The following GRIK4 variants were observed in gnomAD, a reference collection of about 807,000 sequenced individuals.
GRIK4 encodes the protein glutamate receptor ionotropic, kainate 4.
In GRIK4, 40 loss-of-function variants were observed where a neutral mutation model predicts 104.9. The ratio of observed to expected loss-of-function variants is 0.38; its 90% confidence interval spans 0.30 to 0.50. The LOEUF (loss-of-function observed/expected upper bound fraction) is 0.50, where lower values mean the gene tolerates loss of function less well. Among genes scored for constraint, GRIK4 ranks in the 20% least tolerant of loss-of-function variants. The pLI, the probability that GRIK4 is intolerant of heterozygous loss-of-function variation, is 0.93. For synonymous variants in GRIK4, 485 were observed against 524.9 expected, an observed-to-expected ratio of 0.92 and a Z score of 1.04; for missense variants, 1,047 against 1,308.1, an observed-to-expected ratio of 0.80 and a Z score of 3.08.
Position 120,802,686 on chromosome 11 carries a change from C to T in GRIK4, c.83-7C>T, listed in dbSNP as rs1352319449. ...CCAATTGTCTCCATGTGGTTGCCTG[C>T]CCACAGCTGCTATCTTGGACGACCC... is the stretch of plus-strand genomic sequence containing the variant. On this transcript the variant is annotated splice_region_variant and splice_polypyrimidine_tract_variant and intron_variant, in intron 3 of 20. Coordinates refer to ENST00000527524, the MANE Select transcript of GRIK4 (RefSeq NM_014619.5). The T allele has an allele frequency of 3.1e-6, 5 of 1,612,376 alleles. No individual in the cohort carries two copies. Among genetic ancestry groups the T allele is most frequent in the Admixed American group, 3.3e-5 (2 of 59,996 alleles).
Position 120,828,062 on chromosome 11 carries a change from A to G in GRIK4, c.512-3790A>G, listed in dbSNP as rs184655758. On this transcript the variant is annotated intron_variant, in intron 6 of 20. Transcript: ENST00000527524. ...ACCCAAGTCAGCTGCTCCTCAAGTG[A>G]CATGGCGACGGTTCCTGCCTGGCAC... is the stretch of plus-strand genomic sequence containing the variant. 6.0e-4 allele frequency among the ~76,000 whole-genome samples: 92 copies of G among 152,128 alleles called. 1 individual carries two copies. Among genetic ancestry groups the G allele is most frequent in the African/African-American group, 2.2e-3 (92 of 41,510 alleles).
intron 1 of GRIK4, among the ~76,000 whole-genome samples, chr11:120,643,121 G>T (rs1305653472): frequency 6.6e-6 from 1 of 152,140 alleles, no homozygotes; most frequent in Non-Finnish European, 1.5e-5. Context: ...CAAAATCCCT[G>T]CTCTCTAGGA....
At position 120,903,724 on chromosome 11, in the gene GRIK4, G is replaced by A. The variant is rs1276005497; in HGVS notation, c.1273-1566G>A. Reference sequence around the variant, plus strand: ...GTTTGCGGTGGGGAAGGAGCTTGGAGGAGAGGCGATCTGCCCTCTCTGTGC... The same window carrying A: ...GTTTGCGGTGGGGAAGGAGCTTGGAAGAGAGGCGATCTGCCCTCTCTGTGC... On this transcript the variant is annotated intron_variant, in intron 12 of 20. Transcript: ENST00000527524. This position sits in a 1 kb window ranked among gnomAD's most constrained non-coding sequence, Gnocchi z 4.4. Among the ~76,000 whole-genome samples the A allele has an allele frequency of 6.6e-6, 1 of 152,112 alleles. No individual in the cohort carries two copies. The highest frequency in any genetic ancestry group is 1.5e-5 in the Non-Finnish European group (1 of 68,016).
intron 1 of GRIK4, among the ~76,000 whole-genome samples, chr11:120,521,988 A>G (rs1016772262): frequency 6.6e-6 from 1 of 152,210 alleles, no homozygotes; most frequent in African/African-American, 2.4e-5. Flanking sequence ...GTATGTATTA[A>G]GTTGATTCTC....
chr11:120,783,944 C>T (rs191616587), intron 3 of GRIK4, among the ~76,000 whole-genome samples: 115 of 152,220 alleles, frequency 7.6e-4, no homozygotes, highest in Admixed American at 2.6e-3. Flanking sequence ...CTTCGGCAGA[C>T]GACTAAGGAG....
chr11:120,698,055 GT>G (rs1242501545), intron 3 of GRIK4, among the ~76,000 whole-genome samples: 1 of 152,080 alleles, frequency 6.6e-6, no homozygotes, highest in Non-Finnish European at 1.5e-5. Flanking sequence ...GCCAAGAGGT[GT>G]CCCCCCTGGC....
At chr11:120,567,349 G>A (rs1388004651) in intron 1 of GRIK4, among the ~76,000 whole-genome samples, 1 of 151,498 alleles carries the variant, frequency 6.6e-6, no homozygotes, top group African/African-American at 2.4e-5. Flanking sequence ...GGTAGAAATG[G>A]GATCTCTCTG....
chr11:120,852,946 G>A (rs80151257), intron 8 of GRIK4, among the ~76,000 whole-genome samples: 2,249 of 152,314 alleles, frequency 0.015, 55 homozygotes, highest in African/African-American at 0.05. Context: ...TGCCAATGGG[G>A]TGAGATGAGG....
intron 3 of GRIK4, among the ~76,000 whole-genome samples, chr11:120,738,367 T>G (rs952056675): frequency 3.3e-5 from 5 of 152,168 alleles, no homozygotes; most frequent in Non-Finnish European, 7.4e-5. Flanking sequence ...GAGGCAATAG[T>G]TTCAAGGGAA....
At chr11:120,947,757 C>A (rs529316479) in intron 14 of GRIK4, among the ~76,000 whole-genome samples, 2 of 152,190 alleles carry the variant, frequency 1.3e-5, no homozygotes, top group African/African-American at 4.8e-5. Context: ...CACGGCCCCT[C>A]TTCATGTGGA....
Position 120,815,465 on chromosome 11 carries a change from G to T in GRIK4, c.335G>T (p.Gly112Val). ...ASSSIISNIC[G>V]EKEVPHFKVA... ...AGCTCCATCATCAGCAACATCTGTG[G>T]AGAGAAGGAGGTGAGTGTGAGGCAG... Residue 112 changes from glycine to valine, a missense_variant, in exon 5 of 21, where the codon GGA becomes GTA. Physicochemically the swap from Gly to Val is moderately radical, Grantham distance 109 (BLOSUM62 -3). Around this residue, in one of 3 missense-constraint regions of GRIK4, gnomAD observed 447 missense variants for 514.9 expected, o/e 0.87. Coordinates refer to ENST00000527524, the MANE Select transcript of GRIK4 (RefSeq NM_014619.5). The T allele has an allele frequency of 6.5e-7, 1 of 1,542,638 alleles. No homozygotes were observed. Among genetic ancestry groups the T allele is most frequent in the Non-Finnish European group, 8.8e-7 (1 of 1,140,046 alleles).
chr11:120,904,391 C>T (rs1309720377), intron 12 of GRIK4, among the ~76,000 whole-genome samples: 2 of 152,208 alleles, frequency 1.3e-5, no homozygotes, highest in East Asian at 1.9e-4. Context: ...CAGACCTGTT[C>T]CTTTCTGTGC....
intron 1 of GRIK4, among the ~76,000 whole-genome samples, chr11:120,558,838 G>A (rs1292222948): frequency 6.6e-6 from 1 of 152,172 alleles, no homozygotes; most frequent in Non-Finnish European, 1.5e-5. Context: ...CATGGTATGG[G>A]TTGCATAGAT....
chr11:120,898,568 G>A lies in GRIK4; in HGVS notation c.1201G>A (p.Asp401Asn). The A allele has an allele frequency of 6.2e-7, 1 of 1,612,626 alleles. No homozygotes were observed. The highest frequency in any genetic ancestry group is 1.1e-5 in the South Asian group (1 of 91,040). Reference sequence around the variant, plus strand: ...GCACGTGGCAGAGGGCCTCAGCATGGACAGCCACCTCTATGCCTCCAACAT... The same window carrying A: ...GCACGTGGCAGAGGGCCTCAGCATGAACAGCCACCTCTATGCCTCCAACAT... ...QWHVAEGLSMDSHLYASNISD... is the reference protein window; with the variant it reads ...QWHVAEGLSMNSHLYASNISD... Residue 401 changes from aspartate (D) to asparagine (N), a missense_variant, in exon 12 of 21, where the codon GAC becomes AAC. By Grantham distance (23) the Asp-to-Asn change is conservative. Around this residue, in one of 3 missense-constraint regions of GRIK4, gnomAD observed 440 missense variants for 652.3 expected, o/e 0.67. Coordinates refer to ENST00000527524, the MANE Select transcript of GRIK4 (RefSeq NM_014619.5).
At chr11:120,864,205 T>TTTA (rs1463183808) in intron 9 of GRIK4, among the ~76,000 whole-genome samples, 1 of 137,720 alleles carries the variant, frequency 7.3e-6, no homozygotes, top group African/African-American at 2.7e-5. Flanking sequence ...GTATTTTTAT[T>TTTA]TTTATTTATT....
intron 1 of GRIK4, among the ~76,000 whole-genome samples, chr11:120,610,985 G>A (rs73590060): frequency 1.3e-5 from 2 of 152,166 alleles, no homozygotes; most frequent in Non-Finnish European, 2.9e-5. Context: ...TTGAAAGAAC[G>A]TCCGGCCCAT....
chr11:120,744,163 C>A (rs564359244), intron 3 of GRIK4, among the ~76,000 whole-genome samples: 1 of 152,170 alleles, frequency 6.6e-6, no homozygotes, highest in Non-Finnish European at 1.5e-5. Flanking sequence ...TAACAACCTA[C>A]AAGCTGCCCA....
At chr11:120,898,678 G>A (rs1182444967) in intron 12 of GRIK4, 39 bp downstream of exon 12, 1 of 1,167,658 alleles carries the variant, frequency 8.6e-7, no homozygotes, top group Non-Finnish European at 1.3e-6. Flanking sequence ...GCAGCATCCT[G>A]GGGTGCCTCC....
rs547330699 is a variant in GRIK4 at position 120,933,650 on chromosome 11, G to A, written c.1477-6697G>A. ...AATAGCCCCTTATTGATATGGCAGC[G>A]CTCTACAGTGTTATGATTTATAAGG... is the stretch of plus-strand genomic sequence containing the variant. On this transcript the variant is annotated intron_variant, in intron 13 of 20. Coordinates refer to ENST00000527524, the MANE Select transcript of GRIK4 (RefSeq NM_014619.5). Among the ~76,000 whole-genome samples, 43 of 152,236 alleles carry A rather than the reference G, an allele frequency of 2.8e-4. No individual in the cohort carries two copies. The South Asian group carries it at 7.9e-3, about 28-fold the overall frequency.
Sources: allele counts gnomAD v4.1 joint callset (sites outside exome capture counted in the v4.1 genomes callset), GRCh38; gene constraint gnomAD v4.1.1; regional missense constraint gnomAD v4.1.1; non-coding constraint Gnocchi (gnomAD v3.1); transcripts MANE v1.5; gene names NCBI Gene and HGNC (gene_info 2026-07-23, HGNC 2026-07-21).